Variants in CDKAL1 observed in about 807,000 individuals in gnomAD.
The protein encoded by CDKAL1 is CDKAL1 threonylcarbamoyladenosine tRNA methylthiotransferase.
In CDKAL1, 32 loss-of-function variants were observed where a neutral mutation model predicts 68.2. The observed-to-expected ratio is 0.47, with a 90% confidence interval of 0.35 to 0.63. The LOEUF is 0.63. Among genes scored for constraint, CDKAL1 ranks in the 30% least tolerant of loss-of-function variants. The probability of loss-of-function intolerance (pLI) is 0.00; values close to 1 mark genes in which losing one functional copy is unlikely to be tolerated. For synonymous variants in CDKAL1, 234 were observed against 244.3 expected (o/e 0.96, Z 0.39); for missense variants, 606 against 696.7 (o/e 0.87, Z 1.47).
intron 11 of CDKAL1, among the ~76,000 whole-genome samples, chr6:21,043,058 C>T (rs565315284): frequency 6.6e-6 from 1 of 152,294 alleles, no homozygotes; most frequent in African/African-American, 2.4e-5. Context: ...ATAAATGTTT[C>T]TCATAACTCT....
intron 4 of CDKAL1, among the ~76,000 whole-genome samples, chr6:20,646,048 A>ATTTTT (rs1171622769): frequency 0.014 from 1,251 of 87,360 alleles, 5 homozygotes; most frequent in Non-Finnish European, 0.016. Context: ...TCACGGTTAA[A>ATTTTT]TTTTTTTTTT....
Position 21,137,966 on chromosome 6 carries a change from T to C in CDKAL1, c.1299+29503T>C, listed in dbSNP as rs75119049. ...CCTTGTGCTCAAAGACAGTTTGCCCTTGTTCCTTTTAGTCTCCTTTCAGTT... is the reference window on the plus strand; with the variant it reads ...CCTTGTGCTCAAAGACAGTTTGCCCCTGTTCCTTTTAGTCTCCTTTCAGTT... On this transcript the variant is annotated intron_variant, in intron 13 of 15. Transcript: ENST00000274695. Among the ~76,000 whole-genome samples, 844 of 152,362 alleles carry C rather than the reference T, an allele frequency of 5.5e-3. 6 individuals are homozygous for C. The highest frequency in any genetic ancestry group is 0.018 in the African/African-American group (763 of 41,582).
chr6:20,961,448 CA>C (rs946575070), intron 10 of CDKAL1, among the ~76,000 whole-genome samples: 3 of 151,992 alleles, frequency 2.0e-5, no homozygotes, highest in Non-Finnish European at 2.9e-5. Context: ...TGAGGGAGAT[CA>C]GGGGGAGGTG....
chr6:20,774,893 T>C (rs1425695990), intron 7 of CDKAL1, among the ~76,000 whole-genome samples: 2 of 152,200 alleles, frequency 1.3e-5, no homozygotes, highest in East Asian at 3.9e-4. Context: ...GGGCTTAAAA[T>C]TGAATTTGGT....
intron 9 of CDKAL1, among the ~76,000 whole-genome samples, chr6:20,856,113 G>A (rs1231072761): frequency 6.6e-6 from 1 of 152,196 alleles, no homozygotes; most frequent in Non-Finnish European, 1.5e-5. Context: ...TCTGGTGAGA[G>A]CCATGCGTCT....
chr6:20,847,140 G>T (rs572585184), intron 9 of CDKAL1, among the ~76,000 whole-genome samples: 1 of 152,144 alleles, frequency 6.6e-6, no homozygotes, highest in East Asian at 1.9e-4. Flanking sequence ...ATTTATTGAT[G>T]CCTCCCAACA....
intron 15 of CDKAL1, among the ~76,000 whole-genome samples, chr6:21,226,195 A>G (rs1779734178): frequency 6.6e-6 from 1 of 152,210 alleles, no homozygotes. Flanking sequence ...AGACGAAGGA[A>G]ATAGAGATAG....
chr6:20,967,873 G>C (rs1765398037), intron 10 of CDKAL1, among the ~76,000 whole-genome samples: 1 of 152,140 alleles, frequency 6.6e-6, no homozygotes, highest in South Asian at 2.1e-4. Context: ...AGCTTCTCTG[G>C]ATACAGAATT....
chr6:20,921,651 C>G (rs1022837624), intron 9 of CDKAL1, among the ~76,000 whole-genome samples: 1 of 152,182 alleles, frequency 6.6e-6, no homozygotes, highest in Non-Finnish European at 1.5e-5. Flanking sequence ...AACCCTCAGC[C>G]TCTGGCCCAG....
At chr6:20,775,681 A>G (rs1040981340) in intron 7 of CDKAL1, among the ~76,000 whole-genome samples, 4 of 151,902 alleles carry the variant, frequency 2.6e-5, no homozygotes, top group African/African-American at 9.7e-5. Flanking sequence ...TTTCAGTTTT[A>G]TTATTTATTC....
intron 12 of CDKAL1, among the ~76,000 whole-genome samples, chr6:21,107,092 C>T (rs1310422393): frequency 1.3e-5 from 2 of 151,924 alleles, no homozygotes. Context: ...GGACTACAGG[C>T]ACCCGCCACC....
At chr6:21,171,510 C>T (rs1777388255) in intron 13 of CDKAL1, among the ~76,000 whole-genome samples, 1 of 152,168 alleles carries the variant, frequency 6.6e-6, no homozygotes, top group African/African-American at 2.4e-5. Flanking sequence ...CCTGCCCAGC[C>T]AGTTACTTCT....
intron 5 of CDKAL1, among the ~76,000 whole-genome samples, chr6:20,665,739 G>A (rs1229048450): frequency 2.0e-5 from 3 of 151,856 alleles, no homozygotes; most frequent in Admixed American, 2.0e-4. Flanking sequence ...TAAAGAAACT[G>A]TCGAATGAAA....
intron 6 of CDKAL1, among the ~76,000 whole-genome samples, chr6:20,740,117 T>G (rs964032569): frequency 6.6e-6 from 1 of 152,248 alleles, no homozygotes; most frequent in Non-Finnish European, 1.5e-5. Context: ...TACTGTGCAG[T>G]TACCTGTCGT....
chr6:21,155,720 G>A (rs1159381099), intron 13 of CDKAL1, among the ~76,000 whole-genome samples: 1 of 152,150 alleles, frequency 6.6e-6, no homozygotes, highest in Non-Finnish European at 1.5e-5. Context: ...CAAGAGACCT[G>A]TTTCCCATGC....
At chr6:21,021,315 C>G (rs1025166921) in intron 11 of CDKAL1, among the ~76,000 whole-genome samples, 7 of 152,024 alleles carry the variant, frequency 4.6e-5, no homozygotes, top group Non-Finnish European at 8.8e-5. Context: ...AATACAGTCC[C>G]TGGTAGGCAC....
chr6:21,196,217 GAAGT>G (rs1778465560), intron 13 of CDKAL1, among the ~76,000 whole-genome samples: 1 of 152,186 alleles, frequency 6.6e-6, no homozygotes, highest in African/African-American at 2.4e-5. Flanking sequence ...GATGTTAAAT[GAAGT>G]GTAATTGCAG....
At chr6:20,936,195 T>C (rs981167137) in intron 9 of CDKAL1, among the ~76,000 whole-genome samples, 4 of 151,778 alleles carry the variant, frequency 2.6e-5, no homozygotes, top group Non-Finnish European at 5.9e-5. Context: ...ACTTAAAGCT[T>C]TTCTGTACAT....
At chr6:20,621,817 G>T (rs1767208356) in intron 4 of CDKAL1, among the ~76,000 whole-genome samples, 1 of 150,784 alleles carries the variant, frequency 6.6e-6, no homozygotes. Context: ...GATGCTCTGG[G>T]CTCATCTTGC....
Sources: allele counts gnomAD v4.1 joint callset (sites outside exome capture counted in the v4.1 genomes callset), GRCh38; gene constraint gnomAD v4.1.1; transcripts MANE v1.5; gene names NCBI Gene and HGNC (gene_info 2026-07-23, HGNC 2026-07-21).